The following SNTG1 variants were observed in gnomAD, a reference collection of about 807,000 sequenced individuals.
The protein encoded by SNTG1 is syntrophin gamma 1, also known as gamma-1-syntrophin.
SNTG1 carries 39 observed loss-of-function variants against 74.7 expected under a neutral mutation model. The ratio of observed to expected loss-of-function variants is 0.52; its 90% CI spans 0.40 to 0.68. SNTG1 has a LOEUF of 0.68. SNTG1 is among the 30% of genes least tolerant of loss of function. The probability of loss-of-function intolerance (pLI) is 0.00; values close to 1 mark genes in which losing one functional copy is unlikely to be tolerated. For missense variants in SNTG1, 685 were observed against 609.5 expected (o/e 1.12, Z -1.30); for synonymous variants, 254 against 217.1 (o/e 1.17, Z -1.49).
At chr8:50,355,302 G>T (rs1032267805) in intron 2 of SNTG1, among the ~76,000 whole-genome samples, 5 of 151,708 alleles carry the variant, frequency 3.3e-5, no homozygotes, top group African/African-American at 1.2e-4. Flanking sequence ...TAATTAAATT[G>T]CCACCTCCAA....
rs1277206660 is a variant in SNTG1 at position 50,105,474 on chromosome 8, T to TTTTTG, written c.-102-67067_-102-67063dup. Among the ~76,000 whole-genome samples, 94 of 152,022 alleles carry TTTTTG rather than the reference T, an allele frequency of 6.2e-4. 2 individuals carry two copies. The highest frequency in any genetic ancestry group is 1.9e-3 in the African/African-American group (77 of 41,560). ...TTTGAGTAACATGATGTCTTCAGCT[T>TTTTTG]TTTTGTTTTGTTTTGTTTTGTTTTT... On this transcript the variant is annotated intron_variant, in intron 1 of 18. Transcript: ENST00000642720.
intron 3 of SNTG1, among the ~76,000 whole-genome samples, chr8:50,399,389 C>T (rs2092771685): frequency 6.6e-6 from 1 of 152,148 alleles, no homozygotes; most frequent in Admixed American, 6.5e-5. Context: ...TGAATGATAG[C>T]TTTGGCCATA....
intron 1 of SNTG1, among the ~76,000 whole-genome samples, chr8:50,115,576 A>AAAAC (rs1554580677): frequency 1.2e-5 from 1 of 82,800 alleles, no homozygotes; most frequent in Non-Finnish European, 2.7e-5. Context: ...TCAAAAAAAA[A>AAAAC]AAAAAAAAAA....
chr8:49,953,745 T>A (rs187510371), intron 1 of SNTG1, among the ~76,000 whole-genome samples: 2 of 152,316 alleles, frequency 1.3e-5, no homozygotes, highest in African/African-American at 4.8e-5. Flanking sequence ...TTATTGCTGA[T>A]GTCGGGTCGC....
chr8:50,611,202 C>G (rs531044401), intron 13 of SNTG1, among the ~76,000 whole-genome samples: 7 of 152,216 alleles, frequency 4.6e-5, no homozygotes, highest in African/African-American at 1.4e-4. Flanking sequence ...GGGTCCTGTT[C>G]CAACCTTAGC....
At chr8:50,213,455 G>C (rs1206343510) in intron 2 of SNTG1, among the ~76,000 whole-genome samples, 1 of 152,154 alleles carries the variant, frequency 6.6e-6, no homozygotes, top group Non-Finnish European at 1.5e-5. Context: ...ATAAATTCAT[G>C]TGAGTTGATT....
chr8:50,554,503 A>G (rs887695535), intron 12 of SNTG1, among the ~76,000 whole-genome samples: 8 of 149,108 alleles, frequency 5.4e-5, no homozygotes, highest in Admixed American at 3.3e-4. Context: ...TGGTGGTTCC[A>G]GGATAGGTGT....
In SNTG1 at chr8:50,670,861, C is replaced by G. The variant is rs546210409; in HGVS notation, c.1038+12198C>G. Among the ~76,000 whole-genome samples the G allele has an allele frequency of 2.0e-5, 3 of 151,654 alleles. No homozygotes were observed. In the East Asian group the frequency reaches 5.8e-4, roughly 29 times the overall value. On this transcript the variant is annotated intron_variant, in intron 15 of 18. Transcript: ENST00000642720. ...AAAACAGAGATATAGATCAATGGAA[C>G]AGAACAGAGCCCTCAGAAATGACGC...
intron 12 of SNTG1, among the ~76,000 whole-genome samples, chr8:50,563,788 T>C (rs2094500930): frequency 6.6e-6 from 1 of 152,146 alleles, no homozygotes; most frequent in South Asian, 2.1e-4. Context: ...TAAAACCTTC[T>C]TACTGGAAGG....
chr8:50,304,390 C>T (rs1217894810), intron 2 of SNTG1, among the ~76,000 whole-genome samples: 1 of 152,142 alleles, frequency 6.6e-6, no homozygotes, highest in African/African-American at 2.4e-5. Flanking sequence ...AGAAAATGGA[C>T]AAAGACATCT....
At chr8:50,051,271 A>AC (rs1563524306) in intron 1 of SNTG1, among the ~76,000 whole-genome samples, 26 of 68,200 alleles carry the variant, frequency 3.8e-4, no homozygotes, top group South Asian at 2.3e-3. Context: ...CACACACACA[A>AC]ACAAACAAGA....
intron 1 of SNTG1, among the ~76,000 whole-genome samples, chr8:50,101,610 A>G (rs988661178): frequency 6.6e-6 from 1 of 152,136 alleles, no homozygotes; most frequent in East Asian, 1.9e-4. Context: ...CACAATGTGC[A>G]GGTTAGTTAC....
intron 17 of SNTG1, among the ~76,000 whole-genome samples, chr8:50,716,348 A>T (rs1000286453): frequency 6.6e-5 from 10 of 152,162 alleles, no homozygotes; most frequent in Non-Finnish European, 1.0e-4. Context: ...TTCACTATAC[A>T]AGTTATAATA....
At chr8:50,311,181 G>A (rs1240403984) in intron 2 of SNTG1, among the ~76,000 whole-genome samples, 1 of 152,172 alleles carries the variant, frequency 6.6e-6, no homozygotes, top group Admixed American at 6.5e-5. Flanking sequence ...TAAGGTTTGT[G>A]TTCCCTCTGT....
At chr8:50,640,007 TTTA>T (rs2095062499) in intron 13 of SNTG1, among the ~76,000 whole-genome samples, 1 of 152,100 alleles carries the variant, frequency 6.6e-6, no homozygotes, top group Admixed American at 6.5e-5. Flanking sequence ...TCATTGTGGA[TTTA>T]AACACATTCT....
chr8:50,660,357 AAAG>A (rs2095213632), intron 15 of SNTG1, among the ~76,000 whole-genome samples: 2 of 140,028 alleles, frequency 1.4e-5, no homozygotes, highest in Admixed American at 7.0e-5. Context: ...AGAAAGAAAG[AAAG>A]AGAGAGAGAG....
At chr8:50,754,624 ATT>A in intron 18 of SNTG1, among the ~76,000 whole-genome samples, 1 of 151,930 alleles carries the variant, frequency 6.6e-6, no homozygotes, top group South Asian at 2.1e-4. Context: ...AACTACATTA[ATT>A]TTTACTGATT....
intron 1 of SNTG1, among the ~76,000 whole-genome samples, chr8:49,927,368 A>C (rs1346593292): frequency 1.3e-5 from 2 of 152,254 alleles, no homozygotes; most frequent in Admixed American, 1.3e-4. Context: ...CAGTAAATGA[A>C]TGAATACATA....
intron 18 of SNTG1, among the ~76,000 whole-genome samples, chr8:50,772,222 T>C (rs995407096): frequency 1.4e-4 from 21 of 152,060 alleles, no homozygotes; most frequent in African/African-American, 4.8e-4. Context: ...GGCAGACACA[T>C]GTGTGACACT....
Sources: allele counts gnomAD v4.1 joint callset (sites outside exome capture counted in the v4.1 genomes callset), GRCh38; gene constraint gnomAD v4.1.1; transcripts MANE v1.5; gene names NCBI Gene and HGNC (gene_info 2026-07-23, HGNC 2026-07-21).